Variants in PDE3A observed in about 807,000 individuals in gnomAD.
PDE3A encodes phosphodiesterase 3A.
In PDE3A, 43 loss-of-function variants were observed where a neutral mutation model predicts 98.3. The ratio of observed to expected loss-of-function variants is 0.44; its 90% CI spans 0.34 to 0.56. PDE3A has a LOEUF of 0.56. PDE3A is among the 20% of genes least tolerant of loss of function. The pLI, the probability that PDE3A is intolerant of heterozygous loss-of-function variation, is 0.01. For missense variants in PDE3A, 1,427 were observed against 1,440.7 expected, an observed-to-expected ratio of 0.99 and a Z score of 0.15; for synonymous variants, 663 against 567.9, an observed-to-expected ratio of 1.17 and a Z score of -2.38.
At chr12:20,466,299 A>G (rs1222107355) in intron 1 of PDE3A, among the ~76,000 whole-genome samples, 1 of 152,252 alleles carries the variant, frequency 6.6e-6, no homozygotes, top group Non-Finnish European at 1.5e-5. Flanking sequence ...TATTTTTTAT[A>G]TGAGCAAATA....
At chr12:20,495,224 G>A (rs141300919) in intron 1 of PDE3A, among the ~76,000 whole-genome samples, 44 of 151,628 alleles carry the variant, frequency 2.9e-4, no homozygotes, top group African/African-American at 1.0e-3. Flanking sequence ...CATTCTTCTT[G>A]TGGTCACCAA....
chr12:20,519,876 A>C (rs1202458922), intron 1 of PDE3A, among the ~76,000 whole-genome samples: 3 of 152,076 alleles, frequency 2.0e-5, no homozygotes, highest in Non-Finnish European at 4.4e-5. Flanking sequence ...GGTGGTGAGG[A>C]AAGTAAGGCC....
intron 10 of PDE3A, among the ~76,000 whole-genome samples, chr12:20,645,576 T>C (rs972882205): frequency 1.3e-5 from 2 of 152,122 alleles, no homozygotes; most frequent in Non-Finnish European, 2.9e-5. Context: ...GTAAATACAA[T>C]AGAATAAAGC....
At chr12:20,543,921 T>C (rs1214503901) in intron 1 of PDE3A, among the ~76,000 whole-genome samples, 1 of 151,884 alleles carries the variant, frequency 6.6e-6, no homozygotes, top group African/African-American at 2.4e-5. Context: ...AGCTAAGTCA[T>C]GGAGACATGA....
Position 20,674,337 on chromosome 12 carries a change from A to T in PDE3A, c.3185-5693A>T, listed in dbSNP as rs79790231. On this transcript the variant is annotated intron_variant, in intron 15 of 15. Transcript: ENST00000359062. ...AGTAGGACTTCTAGTACAATTTTGA[A>T]TAGCAGCAGTGATAGTGAGCACCTT... Among the ~76,000 whole-genome samples the T allele has an allele frequency of 4.4e-3, 675 of 152,268 alleles. 6 individuals carry two copies. Among genetic ancestry groups the T allele is most frequent in the African/African-American group, 0.015 (632 of 41,558 alleles).
chr12:20,385,073 T>G (rs1943728825), intron 1 of PDE3A, among the ~76,000 whole-genome samples: 2 of 152,018 alleles, frequency 1.3e-5, no homozygotes, highest in African/African-American at 4.8e-5. Flanking sequence ...AGTAAAATGG[T>G]ATTACTGGTT....
chr12:20,377,077 A>T (rs1017051290), intron 1 of PDE3A, among the ~76,000 whole-genome samples: 2 of 151,758 alleles, frequency 1.3e-5, no homozygotes, highest in African/African-American at 2.4e-5. Context: ...GTGTATGTGC[A>T]TGTGCATGTG....
intron 2 of PDE3A, among the ~76,000 whole-genome samples, chr12:20,589,912 G>A (rs1322812878): frequency 6.7e-6 from 1 of 148,956 alleles, no homozygotes; most frequent in Non-Finnish European, 1.5e-5. Flanking sequence ...GTTCACATTA[G>A]TTCATATGAA....
chr12:20,422,292 C>A (rs1048591495), intron 1 of PDE3A, among the ~76,000 whole-genome samples: 3 of 151,424 alleles, frequency 2.0e-5, no homozygotes, highest in African/African-American at 4.9e-5. Flanking sequence ...TGCAGTGAGC[C>A]AAGATCGCAC....
At chr12:20,423,644 T>G (rs898540268) in intron 1 of PDE3A, among the ~76,000 whole-genome samples, 2 of 152,160 alleles carry the variant, frequency 1.3e-5, no homozygotes, top group African/African-American at 4.8e-5. Context: ...TTAGAGCTGG[T>G]GAGTGGCTAA....
At chr12:20,616,445 TA>T in intron 4 of PDE3A, 61 bp downstream of exon 4, 4 of 1,514,920 alleles carry the variant, frequency 2.6e-6, no homozygotes, top group Non-Finnish European at 3.6e-6. Context: ...AAAAATGAGT[TA>T]TAAATTACAG....
At chr12:20,535,220 C>T (rs988526364) in intron 1 of PDE3A, among the ~76,000 whole-genome samples, 3 of 152,176 alleles carry the variant, frequency 2.0e-5, no homozygotes, top group South Asian at 2.1e-4. Flanking sequence ...CCCCAATCTA[C>T]CTAGGATTTC....
intron 1 of PDE3A, among the ~76,000 whole-genome samples, chr12:20,486,033 T>C (rs1287740335): frequency 6.6e-6 from 1 of 152,338 alleles, no homozygotes; most frequent in East Asian, 1.9e-4. Flanking sequence ...ATAGTTGTTC[T>C]TTTAGAGCAC....
intron 2 of PDE3A, among the ~76,000 whole-genome samples, chr12:20,591,199 A>C (rs1402125050): frequency 6.6e-6 from 1 of 152,192 alleles, no homozygotes; most frequent in Non-Finnish European, 1.5e-5. Context: ...TGTTTTGTTA[A>C]TTCATCTCCT....
chr12:20,418,398 G>A (rs1329240145), intron 1 of PDE3A, among the ~76,000 whole-genome samples: 1 of 152,090 alleles, frequency 6.6e-6, no homozygotes. Context: ...CTCAGTTTGT[G>A]GCCTGACTGA....
At chr12:20,423,577 A>G (rs931912231) in intron 1 of PDE3A, among the ~76,000 whole-genome samples, 1 of 152,224 alleles carries the variant, frequency 6.6e-6, no homozygotes, top group African/African-American at 2.4e-5. Context: ...TTTCAGAATC[A>G]TTAATTCTGG....
chr12:20,635,752 C>CA (rs11454612), intron 8 of PDE3A, among the ~76,000 whole-genome samples: 27,241 of 83,514 alleles, frequency 0.33, 3,459 homozygotes, highest in Middle Eastern at 0.39. Context: ...CACTCTATCT[C>CA]AAAAAAAAAA....
intron 12 of PDE3A, 61 bp downstream of exon 12, chr12:20,647,011 C>A (rs2121515568): frequency 8.2e-7 from 1 of 1,214,106 alleles, no homozygotes; most frequent in Non-Finnish European, 1.2e-6. Context: ...AAGTGAAGTT[C>A]AGTGTGATTT....
intron 15 of PDE3A, among the ~76,000 whole-genome samples, chr12:20,678,619 C>G (rs752255918): frequency 3.3e-5 from 5 of 152,230 alleles, no homozygotes; most frequent in Admixed American, 6.5e-5. Context: ...ACCTGCCTAA[C>G]AGCTTGTTCT....
Sources: gnomAD v4.1 joint callset for allele counts (sites outside exome capture counted in the v4.1 genomes callset) on GRCh38, gnomAD v4.1.1 for gene constraint, MANE v1.5 for transcripts, NCBI Gene and HGNC (gene_info 2026-07-23, HGNC 2026-07-21) for gene names.